FAM13A: variants seen among roughly 807,000 people sequenced by gnomAD.
The protein encoded by FAM13A is protein FAM13A.
A neutral mutation model predicts 129.6 loss-of-function variants in FAM13A; 76 were observed. That is an observed-to-expected ratio of 0.59 (90% CI 0.49 to 0.71). FAM13A has a LOEUF of 0.71. FAM13A is among the 30% of genes least tolerant of loss of function. The pLI is 0.00. For synonymous variants in FAM13A, 443 were observed against 449.9 expected (o/e 0.98, Z 0.20); for missense variants, 1,108 against 1,249.3 (o/e 0.89, Z 1.70).
At chr4:88,945,973 T>A (rs1755682251) in intron 4 of FAM13A, among the ~76,000 whole-genome samples, 1 of 25,110 alleles carries the variant, frequency 4.0e-5, no homozygotes, top group Admixed American at 5.7e-4. Context: ...TCTGTGTGTG[T>A]GTGTGTGTGT....
At chr4:88,843,477 A>C (rs1023116304) in intron 7 of FAM13A, among the ~76,000 whole-genome samples, 3 of 152,262 alleles carry the variant, frequency 2.0e-5, no homozygotes, top group African/African-American at 7.2e-5. Flanking sequence ...AAACACTGTA[A>C]GGGAACAAAC....
At chr4:88,751,034 G>C (rs1383455628) in intron 14 of FAM13A, among the ~76,000 whole-genome samples, 3 of 152,214 alleles carry the variant, frequency 2.0e-5, no homozygotes, top group African/African-American at 7.2e-5. Context: ...CTGAGGTCAG[G>C]AGTTTGAGAC....
intron 10 of FAM13A, among the ~76,000 whole-genome samples, chr4:88,783,530 C>A (rs148474726): frequency 6.6e-5 from 10 of 152,234 alleles, no homozygotes; most frequent in African/African-American, 2.4e-4. Context: ...AACTCCTGCC[C>A]GCCTTGGCCT....
intron 10 of FAM13A, among the ~76,000 whole-genome samples, chr4:88,785,348 T>C (rs1723752071): frequency 6.6e-6 from 1 of 152,178 alleles, no homozygotes; most frequent in Non-Finnish European, 1.5e-5. Context: ...GAATCAATTG[T>C]ATAGAAGCAT....
intron 4 of FAM13A, among the ~76,000 whole-genome samples, chr4:88,966,639 A>G (rs1759387168): frequency 6.6e-6 from 1 of 152,160 alleles, no homozygotes; most frequent in Non-Finnish European, 1.5e-5. Flanking sequence ...AATCCCCGGC[A>G]GTCAGTTACA....
chr4:89,056,925 G>A lies in FAM13A; in HGVS notation c.27+13C>T. The A allele has an allele frequency of 6.2e-7, 1 of 1,612,936 alleles. No individual in the cohort carries two copies. The highest frequency in any genetic ancestry group is 1.3e-5 in the African/African-American group (1 of 74,976). ...GCAGTAAACACAGAAGACAGAAGAA[G>A]GCCTATACTTACACAGATGGCTAGA... is the stretch of plus-strand genomic sequence containing the variant. On this transcript the variant is annotated intron_variant, in intron 1 of 23. Coordinates refer to ENST00000264344, the MANE Select transcript of FAM13A (RefSeq NM_014883.4).
intron 5 of FAM13A, among the ~76,000 whole-genome samples, chr4:88,925,590 G>A (rs1455370442): frequency 6.6e-6 from 1 of 150,956 alleles, no homozygotes; most frequent in Non-Finnish European, 1.5e-5. Context: ...ATCTCCTAAT[G>A]CTAAATGTCG....
chr4:88,844,436 T>C (rs572978223), intron 7 of FAM13A, among the ~76,000 whole-genome samples: 5 of 152,306 alleles, frequency 3.3e-5, no homozygotes, highest in Non-Finnish European at 7.4e-5. Flanking sequence ...TCCAAGGTCA[T>C]TTTGCAGATC....
intron 7 of FAM13A, among the ~76,000 whole-genome samples, chr4:88,847,499 C>T (rs184350987): frequency 6.6e-6 from 1 of 152,346 alleles, no homozygotes; most frequent in East Asian, 1.9e-4. Flanking sequence ...GTTGCTACAG[C>T]AATGGCTAGC....
At chr4:88,899,624 A>G (rs1746933979) in intron 6 of FAM13A, among the ~76,000 whole-genome samples, 1 of 152,092 alleles carries the variant, frequency 6.6e-6, no homozygotes, top group African/African-American at 2.4e-5. Context: ...AACTAATACA[A>G]TTACTTTTCT....
intron 6 of FAM13A, among the ~76,000 whole-genome samples, chr4:88,893,642 GAATAAATA>G (rs55794702): frequency 4.0e-5 from 5 of 126,184 alleles, no homozygotes; most frequent in East Asian, 2.2e-4. Flanking sequence ...ATGAATGAAT[GAATAAATA>G]AATAAATAAA....
At chr4:88,953,169 C>T (rs1448764543) in intron 4 of FAM13A, among the ~76,000 whole-genome samples, 2 of 152,000 alleles carry the variant, frequency 1.3e-5, no homozygotes, top group African/African-American at 4.8e-5. Context: ...AGAAACTTCC[C>T]TCTCAGCTGG....
In FAM13A at chr4:88,752,437, G is replaced by A. The variant is rs116617155; in HGVS notation, c.1727-1800C>T. Among the ~76,000 whole-genome samples the A allele has an allele frequency of 9.5e-3, 1,440 of 152,242 alleles. 20 individuals are homozygous for A. The highest frequency in any genetic ancestry group is 0.034 in the African/African-American group (1,396 of 41,540). ...TAATTTAAAAAATTAACTTTATATGGAATGAAGTCCACAGGTTCTCGAAAT... is the reference window on the plus strand; with the variant it reads ...TAATTTAAAAAATTAACTTTATATGAAATGAAGTCCACAGGTTCTCGAAAT... On this transcript the variant is annotated intron_variant, in intron 14 of 23. Transcript: ENST00000264344.
At chr4:88,785,244 C>A (rs996892158) in intron 10 of FAM13A, among the ~76,000 whole-genome samples, 3 of 152,068 alleles carry the variant, frequency 2.0e-5, no homozygotes, top group Admixed American at 6.6e-5. Context: ...CACTTTTTAA[C>A]CACTTCATAA....
At chr4:88,801,792 T>C (rs1229409245) in intron 8 of FAM13A, among the ~76,000 whole-genome samples, 1 of 152,102 alleles carries the variant, frequency 6.6e-6, no homozygotes, top group Non-Finnish European at 1.5e-5. Context: ...AAGGATGGGA[T>C]CTGATCCTGC....
In FAM13A at chr4:88,787,901, C is replaced by G. The variant is rs1381983635; in HGVS notation, c.1123G>C (p.Glu375Gln). 6.2e-6 allele frequency: 10 copies of G among 1,613,118 alleles called. No homozygotes were observed. In the Admixed American group the frequency reaches 1.5e-4, roughly 24 times the overall value. Residue 375 changes from glutamate to glutamine, a missense_variant, in exon 10 of 24, where the codon GAA (glutamate) becomes CAA (glutamine). By Grantham distance (29) the Glu-to-Gln change is conservative. Around this residue, in one of 3 missense-constraint regions of FAM13A, gnomAD observed 566 missense variants for 595.7 expected, o/e 0.95. Transcript: ENST00000264344. ...TTATTAACATCAAAAAGATGTTGTT[C>G]TACAGCTGATCGGATGGTTCTTTCT... ...LLERTIRSAV[E>Q]QHLFDVNNSG...
chr4:88,803,085 T>C (rs17014580), intron 8 of FAM13A, among the ~76,000 whole-genome samples: 11,032 of 152,280 alleles, frequency 0.072, 666 homozygotes, highest in East Asian at 0.29. Context: ...ATCCGCTCCA[T>C]GGCTGCTTGT....
chr4:88,871,417 C>A (rs970168869), intron 6 of FAM13A, among the ~76,000 whole-genome samples: 1 of 152,118 alleles, frequency 6.6e-6, no homozygotes, highest in African/African-American at 2.4e-5. Context: ...AGATGAATGG[C>A]TAACTAGAAT....
At chr4:88,931,574 T>C (rs1193745406) in intron 5 of FAM13A, among the ~76,000 whole-genome samples, 1 of 152,138 alleles carries the variant, frequency 6.6e-6, no homozygotes, top group Non-Finnish European at 1.5e-5. Flanking sequence ...TCAAAATGTA[T>C]CTACTTACTA....
Sources: allele counts gnomAD v4.1 joint callset (sites outside exome capture counted in the v4.1 genomes callset), GRCh38; gene constraint gnomAD v4.1.1; regional missense constraint gnomAD v4.1.1; transcripts MANE v1.5; gene names NCBI Gene and HGNC (gene_info 2026-07-23, HGNC 2026-07-21).